Variants in XKR9 observed in about 807,000 individuals in gnomAD.
XKR9 encodes the protein XK related 9, also known as XK-related protein 9.
A neutral mutation model predicts 32.0 loss-of-function variants in XKR9; 32 were observed. The observed-to-expected ratio is 1.00, with a 90% confidence interval of 0.76 to 1.34. The LOEUF (loss-of-function observed/expected upper bound fraction) is 1.34, where lower values mean the gene tolerates loss of function less well. Ranked by LOEUF, XKR9 falls within the 40% of genes most tolerant of loss-of-function variation. The pLI is 0.00. For missense variants in XKR9, 546 were observed against 429.7 expected, an observed-to-expected ratio of 1.27 and a Z score of -2.39; for synonymous variants, 168 against 143.4, an observed-to-expected ratio of 1.17 and a Z score of -1.22.
chr8:70,828,550 C>T, the XKR9 span, among the ~76,000 whole-genome samples: 1 of 151,686 alleles, frequency 6.6e-6, no homozygotes, highest in African/African-American at 2.4e-5. Context: ...ATGGTGAAAC[C>T]CCGTCTCTAC....
At chr8:70,849,432 A>C in the XKR9 span, among the ~76,000 whole-genome samples, 3 of 152,224 alleles carry the variant, frequency 2.0e-5, no homozygotes, top group Admixed American at 1.3e-4. Flanking sequence ...ACAAAGACAC[A>C]ATGTACCAGA....
the XKR9 span, among the ~76,000 whole-genome samples, chr8:70,887,492 T>C: frequency 1.3e-5 from 2 of 152,142 alleles, no homozygotes; most frequent in Non-Finnish European, 2.9e-5. Flanking sequence ...GGGAATAGCA[T>C]TGAATCTATA....
At chr8:70,771,790 A>T (rs1807457378) in intron 2 of XKR9, among the ~76,000 whole-genome samples, 1 of 152,154 alleles carries the variant, frequency 6.6e-6, no homozygotes, top group Non-Finnish European at 1.5e-5. Flanking sequence ...CTCACTTGTC[A>T]AGCTGTTTCT....
At chr8:70,768,749 C>T (rs1250843984) in intron 2 of XKR9, among the ~76,000 whole-genome samples, 1 of 113,852 alleles carries the variant, frequency 8.8e-6, no homozygotes, top group African/African-American at 3.0e-5. Context: ...ATTGAAACCC[C>T]TGCTTTTTTT....
At chr8:70,815,773 C>T in the XKR9 span, among the ~76,000 whole-genome samples, 1 of 152,098 alleles carries the variant, frequency 6.6e-6, no homozygotes, top group Non-Finnish European at 1.5e-5. Context: ...GATCCACCCA[C>T]CTCAGCCTCC....
chr8:70,848,145 A>T, the XKR9 span, among the ~76,000 whole-genome samples: 1 of 152,170 alleles, frequency 6.6e-6, no homozygotes, highest in Admixed American at 6.5e-5. Flanking sequence ...CATCCCAGGG[A>T]TGCAAGGATG....
chr8:70,749,957 A>G (rs1182059058), intron 2 of XKR9, among the ~76,000 whole-genome samples: 1 of 152,232 alleles, frequency 6.6e-6, no homozygotes, highest in African/African-American at 2.4e-5. Context: ...TAGATCAGGA[A>G]TAAGGCTTAA....
At chr8:70,822,841 T>C in the XKR9 span, among the ~76,000 whole-genome samples, 3 of 152,070 alleles carry the variant, frequency 2.0e-5, no homozygotes, top group African/African-American at 4.8e-5. Flanking sequence ...AGAAAATTCA[T>C]AGGTAAAGAA....
chr8:70,801,136 G>A, the XKR9 span, among the ~76,000 whole-genome samples: 1 of 151,978 alleles, frequency 6.6e-6, no homozygotes, highest in Admixed American at 6.6e-5. Flanking sequence ...CCAACTCATG[G>A]ATTCATTGAT....
chr8:71,058,352 A>G, the XKR9 span, among the ~76,000 whole-genome samples: 1 of 152,184 alleles, frequency 6.6e-6, no homozygotes, highest in Non-Finnish European at 1.5e-5. Flanking sequence ...GATGCAGCCA[A>G]GTAGGGTTAG....
intron 4 of XKR9, among the ~76,000 whole-genome samples, chr8:70,714,941 C>G (rs1297718102): frequency 6.6e-6 from 1 of 151,912 alleles, no homozygotes; most frequent in East Asian, 1.9e-4. Flanking sequence ...GACAATGGCA[C>G]AAAATTTAGT....
chr8:70,934,004 C>T, the XKR9 span, among the ~76,000 whole-genome samples: 357 of 151,382 alleles, frequency 2.4e-3, no homozygotes, highest in African/African-American at 8.4e-3. Context: ...TTTCTCAAGG[C>T]CACATAAGTA....
chr8:70,988,961 G>T, the XKR9 span, among the ~76,000 whole-genome samples: 1 of 152,140 alleles, frequency 6.6e-6, no homozygotes, highest in East Asian at 1.9e-4. Context: ...ATACCCTCAA[G>T]GTTCATCCAT....
the XKR9 span, among the ~76,000 whole-genome samples, chr8:70,828,887 T>C: frequency 5.9e-5 from 9 of 152,192 alleles, no homozygotes; most frequent in Admixed American, 2.0e-4. Context: ...AAGGTCTTTA[T>C]ATGCATTAAT....
chr8:71,054,269 A>G, the XKR9 span, among the ~76,000 whole-genome samples: 1 of 152,200 alleles, frequency 6.6e-6, no homozygotes, highest in Middle Eastern at 3.2e-3. Context: ...AAAATGGATC[A>G]CAATTACAAT....
chr8:70,715,950 T>C (rs766488589), intron 4 of XKR9, among the ~76,000 whole-genome samples: 40 of 152,054 alleles, frequency 2.6e-4, no homozygotes, highest in East Asian at 3.9e-4. Context: ...CAGGAAGGCC[T>C]GGCAAAAGTT....
intron 2 of XKR9, among the ~76,000 whole-genome samples, chr8:70,784,132 G>T (rs983080011): frequency 1.3e-5 from 2 of 152,152 alleles, no homozygotes; most frequent in African/African-American, 2.4e-5. Context: ...AAGTCAGGTA[G>T]TGTGATGCCT....
chr8:70,826,249 C>T, the XKR9 span, among the ~76,000 whole-genome samples: 9 of 152,094 alleles, frequency 5.9e-5, no homozygotes, highest in African/African-American at 1.4e-4. Context: ...AAGTGTGGAC[C>T]GCAAAAATCA....
chr8:70,910,649 A>T, the XKR9 span, among the ~76,000 whole-genome samples: 1 of 152,196 alleles, frequency 6.6e-6, no homozygotes, highest in Non-Finnish European at 1.5e-5. Context: ...GCCATGATAA[A>T]TTACTACAAA....
Sources: allele counts gnomAD v4.1 joint callset (sites outside exome capture counted in the v4.1 genomes callset), GRCh38; gene constraint gnomAD v4.1.1; transcripts MANE v1.5; gene names NCBI Gene and HGNC (gene_info 2026-07-23, HGNC 2026-07-21).